Variants in VAV1 observed in about 807,000 individuals in gnomAD.
VAV1 encodes vav guanine nucleotide exchange factor 1.
VAV1 carries 33 observed loss-of-function variants against 128.1 expected under a neutral mutation model. The ratio of observed to expected loss-of-function variants is 0.26; its 90% CI spans 0.20 to 0.34. The LOEUF is 0.34. Ranked by LOEUF, VAV1 falls within the 10% of genes least tolerant of loss-of-function variation. The pLI is 1.00. For synonymous variants in VAV1, 394 were observed against 409.8 expected (o/e 0.96, Z 0.47); for missense variants, 715 against 1,093.7 (o/e 0.65, Z 4.88).
intron 1 of VAV1, among the ~76,000 whole-genome samples, chr19:6,778,127 G>A (rs1970685066): frequency 6.6e-6 from 1 of 152,186 alleles, no homozygotes; most frequent in Non-Finnish European, 1.5e-5. Flanking sequence ...AGTAGAGACA[G>A]GGTTTCAGCA....
chr19:6,823,876 ATCACTGTCTAATTTTGGAATATT>A (rs1469941039), intron 6 of VAV1, among the ~76,000 whole-genome samples: 8 of 152,184 alleles, frequency 5.3e-5, no homozygotes, highest in African/African-American at 1.9e-4. Context: ...TGCAGTCATC[ATCACTGTCTAATTTTGGAATATT>A]TTCATTTGTT....
At chr19:6,825,967 C>T (rs554140302) in intron 8 of VAV1, among the ~76,000 whole-genome samples, 33 of 152,124 alleles carry the variant, frequency 2.2e-4, no homozygotes, top group East Asian at 1.5e-3. Context: ...TGCTTGAACC[C>T]GGGAGGCGGA....
In VAV1 at chr19:6,821,690, C is replaced by CA. The variant is rs1460377062; in HGVS notation, c.380+11dup. On this transcript the variant is annotated intron_variant, in intron 3 of 26. Coordinates refer to ENST00000602142, the MANE Select transcript of VAV1 (RefSeq NM_005428.4). ...AGAACAGGGGGATCATGTGAGTAAC[C>CA]ACCTGGGCCTTGGGCCATTTAGCCC... 1 of 1,614,190 alleles carries CA rather than the reference C, an allele frequency of 6.2e-7. No homozygotes were observed. Among genetic ancestry groups the CA allele is most frequent in the Admixed American group, 1.7e-5 (1 of 60,026 alleles).
chr19:6,804,544 G>A (rs1045329531), intron 1 of VAV1, among the ~76,000 whole-genome samples: 1 of 151,738 alleles, frequency 6.6e-6, no homozygotes, highest in African/African-American at 2.4e-5. Flanking sequence ...ACCCTTCTGA[G>A]TAGCTGGGAT....
intron 1 of VAV1, among the ~76,000 whole-genome samples, chr19:6,789,850 T>C (rs7246009): frequency 0.2 from 31,007 of 152,106 alleles, 3,476 homozygotes; most frequent in African/African-American, 0.3. Context: ...CTGCCTGCCT[T>C]GGCCTCCCAA....
intron 1 of VAV1, among the ~76,000 whole-genome samples, chr19:6,779,195 G>A (rs1970711566): frequency 6.6e-6 from 1 of 150,974 alleles, no homozygotes; most frequent in African/African-American, 2.4e-5. Flanking sequence ...GGGACTACAG[G>A]TGTGCACCAG....
Position 6,828,756 on chromosome 19 carries a change from A to C in VAV1, c.1179+48A>C, listed in dbSNP as rs1445045307. The C allele has an allele frequency of 1.9e-6, 3 of 1,613,592 alleles. No individual in the cohort carries two copies. Among genetic ancestry groups the C allele is most frequent in the African/African-American group, 2.7e-5 (2 of 74,774 alleles). The stretch of plus-strand genomic sequence containing the variant: ...GCCAGGGGTGTGGCCACGTGGGGAG[A>C]GTGTGTGTCTGGCTCCTTTCTTGGG... On this transcript the variant is annotated intron_variant, in intron 12 of 26. Coordinates refer to ENST00000602142, the MANE Select transcript of VAV1 (RefSeq NM_005428.4). This position sits in a 1 kb window ranked among gnomAD's most constrained non-coding sequence, Gnocchi z 4.5.
intron 7 of VAV1, 68 bp downstream of exon 7, chr19:6,825,189 C>T: frequency 6.3e-7 from 1 of 1,580,412 alleles, no homozygotes; most frequent in Non-Finnish European, 8.6e-7. Flanking sequence ...CCTACCTCTC[C>T]CTGGAGTACG....
chr19:6,794,144 C>T (rs989932348), intron 1 of VAV1, among the ~76,000 whole-genome samples: 12 of 102,660 alleles, frequency 1.2e-4, no homozygotes, highest in South Asian at 1.2e-3. Flanking sequence ...ATTTATTTAC[C>T]AAGGGTAAAT....
At chr19:6,776,395 C>CCCACCCATCTAT (rs1970638111) in intron 1 of VAV1, among the ~76,000 whole-genome samples, 1 of 90,582 alleles carries the variant, frequency 1.1e-5, no homozygotes, top group Admixed American at 1.2e-4. Context: ...TACCCATCCA[C>CCCACCCATCTAT]CCACCCATCT....
At chr19:6,840,244 C>T (rs1972336225) in intron 21 of VAV1, among the ~76,000 whole-genome samples, 1 of 151,838 alleles carries the variant, frequency 6.6e-6, no homozygotes, top group South Asian at 2.1e-4. Context: ...TAGCTTGTTT[C>T]ACTTGGCATA....
At chr19:6,849,371 C>G (rs1972609318) in intron 23 of VAV1, among the ~76,000 whole-genome samples, 1 of 138,378 alleles carries the variant, frequency 7.2e-6, no homozygotes, top group African/African-American at 2.9e-5. Flanking sequence ...TCACTGCAAA[C>G]TCCACCTCCC....
At chr19:6,823,464 G>T (rs866321982) in intron 6 of VAV1, among the ~76,000 whole-genome samples, 14 of 150,542 alleles carry the variant, frequency 9.3e-5, no homozygotes, top group African/African-American at 3.2e-4. Flanking sequence ...ATTATTTAAA[G>T]ATATATATAT....
intron 1 of VAV1, among the ~76,000 whole-genome samples, chr19:6,776,463 C>G (rs748490225): frequency 1.6e-5 from 2 of 125,076 alleles, no homozygotes; most frequent in African/African-American, 6.1e-5. Context: ...CATCCACCCA[C>G]CCATCCATCC....
intron 23 of VAV1, among the ~76,000 whole-genome samples, chr19:6,849,643 A>C (rs1009441576): frequency 6.6e-6 from 1 of 151,930 alleles, no homozygotes; most frequent in Non-Finnish European, 1.5e-5. Context: ...GTCCATGTGT[A>C]CCCAATGTTT....
intron 14 of VAV1, 126 bp from the exon 15 acceptor site, chr19:6,831,965 C>G: frequency 1.4e-6 from 1 of 690,282 alleles, no homozygotes; most frequent in Non-Finnish European, 2.4e-6. Context: ...GATATCCATG[C>G]ATGGTGCTAG....
chr19:6,788,092 A>C (rs1970935547), intron 1 of VAV1, among the ~76,000 whole-genome samples: 1 of 152,030 alleles, frequency 6.6e-6, no homozygotes. Flanking sequence ...CAAACAAACA[A>C]ACAAAAAAAC....
At chr19:6,791,147 G>GC (rs1971008454) in intron 1 of VAV1, among the ~76,000 whole-genome samples, 1 of 152,178 alleles carries the variant, frequency 6.6e-6, no homozygotes, top group African/African-American at 2.4e-5. Flanking sequence ...GCCTGGGTGG[G>GC]TCTTAAATAT....
intron 1 of VAV1, among the ~76,000 whole-genome samples, chr19:6,778,921 G>A (rs1970701747): frequency 6.6e-6 from 1 of 150,848 alleles, no homozygotes. Context: ...CTGTCAGCCA[G>A]GCTGGAGTGC....
Sources: gnomAD v4.1 joint callset for allele counts (sites outside exome capture counted in the v4.1 genomes callset) on GRCh38, gnomAD v4.1.1 for gene constraint, Gnocchi (gnomAD v3.1) non-coding constraint, MANE v1.5 for transcripts, NCBI Gene and HGNC (gene_info 2026-07-23, HGNC 2026-07-21) for gene names.